TRHDE: variants seen among roughly 807,000 people sequenced by gnomAD.
TRHDE encodes thyrotropin releasing hormone degrading enzyme.
TRHDE carries 72 observed loss-of-function variants against 125.7 expected under a neutral mutation model. The observed-to-expected ratio is 0.57, with a 90% CI of 0.47 to 0.70. TRHDE has a LOEUF of 0.70. TRHDE is among the 30% of genes least tolerant of loss of function. The probability of loss-of-function intolerance (pLI) is 0.00; values close to 1 mark genes in which losing one functional copy is unlikely to be tolerated. For synonymous variants in TRHDE, 509 were observed against 509.1 expected (o/e 1.00, Z 0.00); for missense variants, 1,110 against 1,327.1 (o/e 0.84, Z 2.54).
intron 2 of TRHDE, among the ~76,000 whole-genome samples, chr12:72,369,597 T>C (rs898571970): frequency 6.6e-6 from 1 of 152,100 alleles, no homozygotes; most frequent in Admixed American, 6.6e-5. Flanking sequence ...ATATAATAAA[T>C]AGATAATGAT....
chr12:72,198,521 C>T (rs147750534), intron 2 of TRHDE, among the ~76,000 whole-genome samples: 49 of 152,164 alleles, frequency 3.2e-4, no homozygotes, highest in Non-Finnish European at 6.3e-4. Flanking sequence ...ACACCATATA[C>T]GGCCTGCTTT....
chr12:72,154,092 C>T (rs1191121631), intron 2 of TRHDE, among the ~76,000 whole-genome samples: 2 of 152,176 alleles, frequency 1.3e-5, no homozygotes, highest in Non-Finnish European at 2.9e-5. Flanking sequence ...ATATTGGATG[C>T]ATATATATTT....
intron 6 of TRHDE, among the ~76,000 whole-genome samples, chr12:72,502,622 A>G (rs1878203509): frequency 6.6e-6 from 1 of 152,258 alleles, no homozygotes. Context: ...AAGAATATGT[A>G]TTCCACTAGT....
chr12:72,432,909 A>C (rs1052789293), intron 3 of TRHDE, among the ~76,000 whole-genome samples: 1 of 152,144 alleles, frequency 6.6e-6, no homozygotes, highest in Non-Finnish European at 1.5e-5. Flanking sequence ...AGGGGAAAGC[A>C]TTTCGTCTCT....
chr12:72,615,660 CAGA>C (rs1481448074), intron 12 of TRHDE, among the ~76,000 whole-genome samples: 1 of 152,042 alleles, frequency 6.6e-6, no homozygotes, highest in Non-Finnish European at 1.5e-5. Context: ...GGTATCACAG[CAGA>C]AGGAGGGCAA....
chr12:72,152,409 C>T (rs1428741049), intron 2 of TRHDE, among the ~76,000 whole-genome samples: 1 of 151,866 alleles, frequency 6.6e-6, no homozygotes, highest in South Asian at 2.1e-4. Flanking sequence ...GCCTCATTGC[C>T]CTGGCCAGAA....
chr12:72,254,697 C>T (rs763831866), intron 2 of TRHDE: 4 of 152,218 alleles, frequency 2.6e-5, no homozygotes, highest in Non-Finnish European at 5.9e-5. Context: ...TAACCATCTT[C>T]CTACTGGTTC....
At chr12:72,646,407 G>A (rs1874282945) in intron 15 of TRHDE, among the ~76,000 whole-genome samples, 1 of 151,820 alleles carries the variant, frequency 6.6e-6, no homozygotes, top group South Asian at 2.1e-4. Flanking sequence ...AAGGAAGATG[G>A]CAAAAGAGAA....
At chr12:72,620,389 GGCTTGTGCCT>G (rs953124305) in intron 13 of TRHDE, among the ~76,000 whole-genome samples, 10 of 151,134 alleles carry the variant, frequency 6.6e-5, no homozygotes, top group African/African-American at 2.4e-4. Context: ...TGGGTGTAGT[GGCTTGTGCCT>G]GTATTCCCAG....
rs185095147 is a variant in TRHDE, at chr12:72,342,406, A to G, written c.1189-35589A>G. On this transcript the variant is annotated intron_variant, in intron 2 of 18. Coordinates refer to ENST00000261180, the MANE Select transcript of TRHDE (RefSeq NM_013381.3). ...TTAGAAAACAGAATGGGTTTTCAAG[A>G]AGAGGGAGATTCCTGGTATTTGCTA... Among the ~76,000 whole-genome samples the G allele has an allele frequency of 3.3e-5, 5 of 152,248 alleles. No individual in the cohort carries two copies. In the East Asian group the frequency reaches 9.7e-4, roughly 29 times the overall value.
intron 12 of TRHDE, among the ~76,000 whole-genome samples, chr12:72,618,414 TCTAA>T (rs1872908388): frequency 6.6e-6 from 1 of 152,166 alleles, no homozygotes; most frequent in African/African-American, 2.4e-5. Flanking sequence ...AATATTGTAA[TCTAA>T]CAAACACTCA....
rs568855501 is a variant in TRHDE at position 72,516,029 on chromosome 12, G to C, written c.1722+16394G>C. On this transcript the variant is annotated intron_variant, in intron 6 of 18. Coordinates refer to ENST00000261180, the MANE Select transcript of TRHDE (RefSeq NM_013381.3). ...TCTGTTTTGGTACCAGTACCATGCTGTTTTGGTTACTGTAGCCTTGTGTAG... is the reference window on the plus strand; with the variant it reads ...TCTGTTTTGGTACCAGTACCATGCTCTTTTGGTTACTGTAGCCTTGTGTAG... 2.0e-5 allele frequency among the ~76,000 whole-genome samples: 3 copies of C among 151,228 alleles called. No homozygotes were observed. The South Asian group carries it at 6.2e-4, about 31-fold the overall frequency.
intron 2 of TRHDE, among the ~76,000 whole-genome samples, chr12:72,197,246 T>C (rs2139352591): frequency 6.6e-6 from 1 of 152,194 alleles, no homozygotes; most frequent in African/African-American, 2.4e-5. Flanking sequence ...AGGTCTTTGC[T>C]CAAGTATCAC....
At chr12:72,634,689 C>A (rs1873651882) in intron 15 of TRHDE, among the ~76,000 whole-genome samples, 1 of 136,606 alleles carries the variant, frequency 7.3e-6, no homozygotes, top group South Asian at 2.6e-4. Flanking sequence ...GTGTGATGTT[C>A]CCCCTCCTGT....
At chr12:72,499,017 A>G (rs375622114) in intron 5 of TRHDE, among the ~76,000 whole-genome samples, 12 of 151,898 alleles carry the variant, frequency 7.9e-5, no homozygotes, top group African/African-American at 2.9e-4. Context: ...TGAAGGGGAC[A>G]GGAAGGGAGG....
chr12:72,275,609 T>C (rs1592513164), intron 1 of TRHDE, among the ~76,000 whole-genome samples: 1 of 152,362 alleles, frequency 6.6e-6, no homozygotes, highest in East Asian at 1.9e-4. Context: ...TCATTACTGA[T>C]ACATCTTGCT....
intron 6 of TRHDE, among the ~76,000 whole-genome samples, chr12:72,530,044 A>T (rs1251193701): frequency 1.3e-5 from 2 of 152,100 alleles, no homozygotes; most frequent in Non-Finnish European, 2.9e-5. Flanking sequence ...CTACTCTAGG[A>T]TGTTGGTCAC....
At chr12:72,113,217 C>T (rs1006814196) in intron 2 of TRHDE, among the ~76,000 whole-genome samples, 4 of 151,782 alleles carry the variant, frequency 2.6e-5, no homozygotes, top group Non-Finnish European at 5.9e-5. Flanking sequence ...GAGGGTTTTG[C>T]CATGTTGCCC....
At chr12:72,587,567 A>G (rs1209428400) in intron 12 of TRHDE, among the ~76,000 whole-genome samples, 7 of 152,108 alleles carry the variant, frequency 4.6e-5, no homozygotes, top group African/African-American at 1.7e-4. Flanking sequence ...TGAAATCACT[A>G]TATTTAGCCT....
Sources: allele counts gnomAD v4.1 joint callset (sites outside exome capture counted in the v4.1 genomes callset), GRCh38; gene constraint gnomAD v4.1.1; transcripts MANE v1.5; gene names NCBI Gene and HGNC (gene_info 2026-07-23, HGNC 2026-07-21).